AARSD1: variants seen among roughly 807,000 people sequenced by gnomAD.
AARSD1 encodes alanyl-tRNA synthetase domain containing 1.
In AARSD1, 44 loss-of-function variants were observed where a neutral mutation model predicts 48.7. That is an observed-to-expected ratio of 0.90 (90% CI 0.71 to 1.16). AARSD1 has a LOEUF of 1.16. Among genes scored for constraint, AARSD1 ranks in the 50% most tolerant of loss-of-function variants. The probability of loss-of-function intolerance (pLI) is 0.00; values close to 1 mark genes in which losing one functional copy is unlikely to be tolerated. For missense variants in AARSD1, 511 were observed against 523.1 expected (o/e 0.98, Z 0.23); for synonymous variants, 189 against 194.9 (o/e 0.97, Z 0.25).
At chr17:42,964,076 G>T in intron 2 of AARSD1, 30 bp downstream of exon 2, 1 of 1,613,452 alleles carries the variant, frequency 6.2e-7, no homozygotes, top group Non-Finnish European at 8.5e-7. Context: ...AAGAAACTGG[G>T]GGCTTCCTGG....
chr17:42,957,997 T>C (rs1168657912), intron 3 of AARSD1, among the ~76,000 whole-genome samples: 4 of 151,788 alleles, frequency 2.6e-5, no homozygotes, highest in South Asian at 2.1e-4. Context: ...AAGAAAGAAG[T>C]AGCGCATGTC....
chr17:42,954,621 G>A (rs1469214930), intron 9 of AARSD1, among the ~76,000 whole-genome samples: 3 of 152,060 alleles, frequency 2.0e-5, no homozygotes, highest in Non-Finnish European at 2.9e-5. Context: ...TTTTAGTAGA[G>A]AAGGGGTTTC....
chr17:42,951,769 T>C lies in AARSD1; in HGVS notation c.1103+31A>G, dbSNP rs770424440. On this transcript the variant is annotated intron_variant, in intron 11 of 11. Transcript: ENST00000427569. ...TGTATTTGTAGGATACAGGCTCTAC[T>C]ACATGTGCAAGAGAGTCCACAAAGA... 10 of 1,609,016 alleles carry C rather than the reference T, an allele frequency of 6.2e-6. No homozygotes were observed. In the African/African-American group the frequency reaches 9.4e-5, roughly 15 times the overall value.
intron 4 of AARSD1, among the ~76,000 whole-genome samples, 190 bp downstream of exon 4, chr17:42,956,948 T>G (rs2151941527): frequency 7.2e-6 from 1 of 138,714 alleles, no homozygotes; most frequent in East Asian, 2.1e-4. Flanking sequence ...ATTACAAGCG[T>G]GAGCCACTGC....
Position 42,951,479 on chromosome 17 carries a change from G to A in AARSD1, c.1103+321C>T, listed in dbSNP as rs2049477988. On this transcript the variant is annotated intron_variant, in intron 11 of 11. Coordinates refer to ENST00000427569, the MANE Select transcript of AARSD1 (RefSeq NM_001261434.2). ...GAGGCAGGAAAATTGCTTAAACCTGGGAGGTGGTGGCTGCAGTGAGCTGAG... is the reference window on the plus strand; with the variant it reads ...GAGGCAGGAAAATTGCTTAAACCTGAGAGGTGGTGGCTGCAGTGAGCTGAG... Among the ~76,000 whole-genome samples the A allele has an allele frequency of 2.0e-5, 3 of 152,134 alleles. No homozygotes were observed. The East Asian group carries it at 5.8e-4, about 29-fold the overall frequency.
intron 3 of AARSD1, among the ~76,000 whole-genome samples, chr17:42,958,832 GC>G (rs74617602): frequency 1 from 151,386 of 151,386 alleles, 75,693 homozygotes; most frequent in Non-Finnish European, 1. Context: ...TTCCCAAAGT[GC>G]CTGGGATTAC....
intron 2 of AARSD1, among the ~76,000 whole-genome samples, chr17:42,963,344 T>C (rs1417396455): frequency 6.7e-6 from 1 of 150,216 alleles, no homozygotes; most frequent in African/African-American, 2.5e-5. Context: ...AGGCGGAGGT[T>C]GCAGAGCTGA....
intron 2 of AARSD1, 21 bp downstream of exon 2, chr17:42,964,085 G>T (rs1373417240): frequency 1.2e-6 from 2 of 1,613,798 alleles, no homozygotes. Context: ...GGGGCTTCCT[G>T]GGAAGAGATC....
chr17:42,960,781 T>C (rs1024518490), intron 3 of AARSD1, among the ~76,000 whole-genome samples: 1 of 151,332 alleles, frequency 6.6e-6, no homozygotes, highest in African/African-American at 2.4e-5. Flanking sequence ...TGGCTGTCTA[T>C]GCCTGAAGAG....
Position 42,955,189 on chromosome 17 carries a change from T to C in AARSD1, c.830A>G (p.Lys277Arg), listed in dbSNP as rs1307919236. The change falls in exon 8 of 12, where the codon AAG becomes AGG. Residue 277 changes from lysine to arginine, a missense_variant. Transcript: ENST00000427569. ...GAEDHVEAVK[K>R]LQNSTKILQK... Reference sequence around the variant, plus strand: ...CAGGATCTTGGTGGAGTTCTGGAGCTTTTTCACTGCTTCCACATGATCCTC... The same window carrying C: ...CAGGATCTTGGTGGAGTTCTGGAGCCTTTTCACTGCTTCCACATGATCCTC... The C allele has an allele frequency of 3.1e-6, 5 of 1,613,872 alleles. No individual in the cohort carries two copies. The highest frequency in any genetic ancestry group is 4.2e-6 in the Non-Finnish European group (5 of 1,179,992).
intron 1 of AARSD1, 68 bp from the exon 2 acceptor site, chr17:42,964,305 A>G (rs1597720267): frequency 6.2e-7 from 1 of 1,609,384 alleles, no homozygotes; most frequent in Non-Finnish European, 8.5e-7. Context: ...CCACACCAGG[A>G]CAGAATGCCA....
In AARSD1 at chr17:42,951,652, T is replaced by C. The variant is rs2049480170; in HGVS notation, c.1103+148A>G. 4 of 756,384 alleles carry C rather than the reference T, an allele frequency of 5.3e-6. No individual in the cohort carries two copies. In the East Asian group the frequency reaches 8.1e-5, roughly 15 times the overall value. The allele number at this position is 756,384 out of a possible 1,614,324, so 46.9% of individuals were successfully genotyped here. A position where few individuals can be genotyped will look rare whatever the true frequency, so the allele number is the denominator to read the frequency against. On this transcript the variant is annotated intron_variant, in intron 11 of 11. Coordinates refer to ENST00000427569, the MANE Select transcript of AARSD1 (RefSeq NM_001261434.2). ...ACTGTCAAACTGGAAATGACAGTAG[T>C]AATAATTATCTCTGCTCAGCCCACC...
At chr17:42,959,669 CT>C (rs1258222034) in intron 3 of AARSD1, among the ~76,000 whole-genome samples, 218 of 140,912 alleles carry the variant, frequency 1.5e-3, no homozygotes, top group East Asian at 2.8e-3. Context: ...TTTCTCTTTT[CT>C]TTTTTTTTTT....
chr17:42,953,834 C>T, intron 9 of AARSD1, 56 bp from the exon 10 acceptor site: 1 of 1,611,232 alleles, frequency 6.2e-7, no homozygotes, highest in Admixed American at 1.7e-5. Flanking sequence ...TGTGAAACTG[C>T]AGGAAGCCTG....
intron 2 of AARSD1, among the ~76,000 whole-genome samples, chr17:42,961,956 T>C (rs947551995): frequency 6.6e-6 from 1 of 151,822 alleles, no homozygotes; most frequent in African/African-American, 2.4e-5. Context: ...TGTGCTATGA[T>C]TGCTCCACTA....
chr17:42,955,310 T>C, intron 7 of AARSD1, 86 bp from the exon 8 acceptor site: 1 of 1,534,320 alleles, frequency 6.5e-7, no homozygotes, highest in Non-Finnish European at 8.8e-7. Context: ...TCCTTCTTGC[T>C]ATGGTGCCTC....
chr17:42,955,983 C>T lies in AARSD1; in HGVS notation c.664-11G>A. The T allele has an allele frequency of 3.1e-6, 5 of 1,613,976 alleles. No individual in the cohort carries two copies. The highest frequency in any genetic ancestry group is 4.2e-6 in the Non-Finnish European group (5 of 1,179,970). On this transcript the variant is annotated splice_polypyrimidine_tract_variant and intron_variant, in intron 6 of 11. Coordinates refer to ENST00000427569, the MANE Select transcript of AARSD1 (RefSeq NM_001261434.2). Reference sequence around the variant, plus strand: ...CAGAATCTTAATGACCTACATGAGGCAAGGGGGTAACACACACACACACGT... The same window carrying T: ...CAGAATCTTAATGACCTACATGAGGTAAGGGGGTAACACACACACACACGT...
intron 11 of AARSD1, among the ~76,000 whole-genome samples, chr17:42,951,127 C>T (rs2049473896): frequency 6.6e-6 from 1 of 152,158 alleles, no homozygotes. Flanking sequence ...CATTGCACTC[C>T]AGCCTGGGCA....
Position 42,954,890 on chromosome 17 carries a change from C to T in AARSD1, c.939G>A (p.Val313=), listed in dbSNP as rs764732048. The change falls in exon 9 of 12, where the codon GTG becomes GTA. Residue 313 remains valine, a synonymous_variant. Transcript: ENST00000427569. The part of the protein sequence containing the change: ...SLRNSPDWGG[V]VILHRKEGDS... ...TAATTTCTCACCTGTGTAATATGAC[C>T]ACACCTCCCCAGTCTGGACTGTTCC... The T allele has an allele frequency of 1.2e-6, 2 of 1,614,066 alleles. No homozygotes were observed. The highest frequency in any genetic ancestry group is 1.7e-6 in the Non-Finnish European group (2 of 1,179,976).
Sources: gnomAD v4.1 joint callset for allele counts (sites outside exome capture counted in the v4.1 genomes callset) on GRCh38, gnomAD v4.1.1 for gene constraint, MANE v1.5 for transcripts, NCBI Gene and HGNC (gene_info 2026-07-23, HGNC 2026-07-21) for gene names.